The following PTPRD variants were observed in gnomAD, a reference collection of about 807,000 sequenced individuals.
PTPRD encodes the protein protein tyrosine phosphatase receptor type D, also known as receptor-type tyrosine-protein phosphatase delta.
A neutral mutation model predicts 214.5 loss-of-function variants in PTPRD; 34 were observed. That is an observed-to-expected ratio of 0.16 (90% CI 0.12 to 0.21). PTPRD has a LOEUF of 0.21. PTPRD is among the 10% of genes least tolerant of loss of function. The pLI is 1.00. For synonymous variants in PTPRD, 1,128 were observed against 845.7 expected (o/e 1.33, Z -5.79); for missense variants, 2,545 against 2,398.7 (o/e 1.06, Z -1.27).
intron 10 of PTPRD, among the ~76,000 whole-genome samples, chr9:9,140,350 T>A (rs138719421): frequency 9.2e-4 from 140 of 152,322 alleles, no homozygotes; most frequent in African/African-American, 3.1e-3. Flanking sequence ...CATACCCACA[T>A]ATTTAAATCC....
chr9:9,976,137 A>G (rs1026198383), intron 4 of PTPRD, among the ~76,000 whole-genome samples: 13 of 152,270 alleles, frequency 8.5e-5, no homozygotes, highest in African/African-American at 2.9e-4. Context: ...ACATCCATAT[A>G]CATCCATTTG....
Position 8,317,707 on chromosome 9 carries a change from G to C in PTPRD, c.*167C>G. 1 of 530,024 alleles carries C rather than the reference G, an allele frequency of 1.9e-6. No homozygotes were observed. The highest frequency in any genetic ancestry group is 3.4e-5 in the South Asian group (1 of 29,438). 32.8% of individuals were successfully genotyped at this position (530,024 alleles called of 1,614,324 possible). ...TAGATTATTAAACTGTGAATTCTTG[G>C]TCCACCTGGAATAATTTGTTTTTAA... On this transcript the variant is annotated 3_prime_UTR_variant, in exon 46 of 46. Coordinates refer to ENST00000381196, the MANE Select transcript of PTPRD (RefSeq NM_002839.4).
chr9:9,871,443 C>G (rs903013120), intron 5 of PTPRD, among the ~76,000 whole-genome samples: 2 of 152,202 alleles, frequency 1.3e-5, no homozygotes, highest in African/African-American at 4.8e-5. Context: ...AATATCCTCT[C>G]TGGTTTAGTA....
At chr9:9,649,127 A>G (rs763923542) in intron 7 of PTPRD, among the ~76,000 whole-genome samples, 17 of 152,168 alleles carry the variant, frequency 1.1e-4, no homozygotes, top group Non-Finnish European at 1.6e-4. Context: ...GTCTGTGACT[A>G]ATGAGATAGC....
intron 2 of PTPRD, among the ~76,000 whole-genome samples, chr9:10,422,519 G>T (rs1409580728): frequency 1.3e-5 from 2 of 151,862 alleles, no homozygotes; most frequent in African/African-American, 2.4e-5. Context: ...GAGTAAACAG[G>T]CAACCTACAG....
chr9:9,409,729 T>A (rs991062887), intron 8 of PTPRD, among the ~76,000 whole-genome samples: 1 of 152,044 alleles, frequency 6.6e-6, no homozygotes, highest in African/African-American at 2.4e-5. Flanking sequence ...ACTGGTTACT[T>A]TCAAATCCCA....
chr9:10,513,517 A>C (rs190218708), intron 2 of PTPRD, among the ~76,000 whole-genome samples: 7 of 152,310 alleles, frequency 4.6e-5, no homozygotes, highest in African/African-American at 7.2e-5. Context: ...ACAGGAAATA[A>C]GGAACAGGTA....
At chr9:9,541,199 TA>T (rs1455175225) in intron 8 of PTPRD, among the ~76,000 whole-genome samples, 1 of 151,754 alleles carries the variant, frequency 6.6e-6, no homozygotes, top group Admixed American at 6.6e-5. Flanking sequence ...CAGGCAAAGT[TA>T]GAAGTGTTAT....
At chr9:9,667,685 C>G (rs1480190346) in intron 7 of PTPRD, among the ~76,000 whole-genome samples, 1 of 152,144 alleles carries the variant, frequency 6.6e-6, no homozygotes, top group African/African-American at 2.4e-5. Flanking sequence ...TTAGCTGCAA[C>G]ATACTGCTGA....
At chr9:8,345,373 AC>A (rs1385919420) in intron 39 of PTPRD, among the ~76,000 whole-genome samples, 6 of 151,916 alleles carry the variant, frequency 3.9e-5, no homozygotes, top group Admixed American at 3.9e-4. Flanking sequence ...TGTTCCCAGC[AC>A]CCCCAGTGCT....
At chr9:9,811,025 G>A (rs941714573) in intron 5 of PTPRD, among the ~76,000 whole-genome samples, 1 of 151,922 alleles carries the variant, frequency 6.6e-6, no homozygotes, top group African/African-American at 2.4e-5. Flanking sequence ...ATCACTTGAG[G>A]TCAGGAGTTT....
At chr9:8,722,485 T>C (rs1203010123) in intron 12 of PTPRD, among the ~76,000 whole-genome samples, 5 of 120,848 alleles carry the variant, frequency 4.1e-5, no homozygotes, top group Non-Finnish European at 8.5e-5. Context: ...TTAAATCATA[T>C]AAACAATAAA....
At chr9:8,471,296 G>C (rs2096648195) in intron 30 of PTPRD, among the ~76,000 whole-genome samples, 2 of 152,038 alleles carry the variant, frequency 1.3e-5, no homozygotes, top group East Asian at 1.9e-4. Context: ...CAGTGATCTT[G>C]TATGGTAATA....
chr9:8,388,495 A>G (rs1432199092), intron 37 of PTPRD, among the ~76,000 whole-genome samples: 2 of 152,304 alleles, frequency 1.3e-5, no homozygotes, highest in East Asian at 3.9e-4. Flanking sequence ...CAGATGCTAC[A>G]AAATGTACAC....
chr9:8,723,959 T>A (rs544433914), intron 12 of PTPRD, among the ~76,000 whole-genome samples: 7 of 152,346 alleles, frequency 4.6e-5, no homozygotes, highest in Admixed American at 3.9e-4. Context: ...GCCACAGTAC[T>A]ATGTTGATTT....
At chr9:10,434,395 T>G (rs1372426978) in intron 2 of PTPRD, among the ~76,000 whole-genome samples, 1 of 151,926 alleles carries the variant, frequency 6.6e-6, no homozygotes, top group Non-Finnish European at 1.5e-5. Flanking sequence ...AAATTTATAG[T>G]CAACTCTTAA....
intron 14 of PTPRD, among the ~76,000 whole-genome samples, chr9:8,572,237 T>C (rs1047376722): frequency 2.0e-5 from 3 of 152,104 alleles, no homozygotes; most frequent in African/African-American, 7.2e-5. Context: ...TTTTAGTTTC[T>C]TTATTTGTAA....
chr9:9,759,640 C>T (rs1292579255), intron 6 of PTPRD, among the ~76,000 whole-genome samples: 1 of 148,408 alleles, frequency 6.7e-6, no homozygotes, highest in Non-Finnish European at 1.5e-5. Flanking sequence ...TCACTGCAAC[C>T]TCTACCTCCC....
chr9:8,480,665 CA>C (rs1565152719), intron 30 of PTPRD, among the ~76,000 whole-genome samples: 1 of 152,158 alleles, frequency 6.6e-6, no homozygotes, highest in African/African-American at 2.4e-5. Flanking sequence ...CAGTTTCTTA[CA>C]TATCAATTAT....
Sources: allele counts gnomAD v4.1 joint callset (sites outside exome capture counted in the v4.1 genomes callset), GRCh38; gene constraint gnomAD v4.1.1; transcripts MANE v1.5; gene names NCBI Gene and HGNC (gene_info 2026-07-23, HGNC 2026-07-21).